The following CCDC141 variants were observed in gnomAD, a reference collection of about 807,000 sequenced individuals.
CCDC141 encodes coiled-coil domain-containing protein 141.
Under a neutral mutation model 181.0 loss-of-function variants are expected in CCDC141, and 168 were observed. The observed-to-expected ratio is 0.93, with a 90% CI of 0.82 to 1.05. CCDC141 has a LOEUF of 1.05. CCDC141 is among the 50% of genes least tolerant of loss of function. CCDC141 has a pLI of 0.00. For synonymous variants in CCDC141, 666 were observed against 642.3 expected, an observed-to-expected ratio of 1.04 and a Z score of -0.56; for missense variants, 1,902 against 1,788.5, an observed-to-expected ratio of 1.06 and a Z score of -1.14.
chr2:178,916,690 C>T (rs1688463293), intron 7 of CCDC141, among the ~76,000 whole-genome samples: 1 of 152,040 alleles, frequency 6.6e-6, no homozygotes, highest in Non-Finnish European at 1.5e-5. Flanking sequence ...TTCCTTGATG[C>T]TTTGAAAAGG....
At position 178,869,284 on chromosome 2, in the gene CCDC141, A is replaced by G; in HGVS notation, c.2227T>C (p.Tyr743His). ...AACTCCTCTGATTCTTTCATAATGT[A>G]CTGAACCTCATCATTCAATTGCTAA... ...QFQQLNDEVQ[Y>H]IMKESEELTG... Residue 743 changes from tyrosine to histidine, a missense_variant, in exon 15 of 24, where the codon TAC becomes CAC. Physicochemically the swap from Tyr to His is moderately conservative, Grantham distance 83. Coordinates refer to ENST00000443758, the MANE Select transcript of CCDC141 (RefSeq NM_173648.4). 1 of 1,595,588 alleles carries G rather than the reference A, an allele frequency of 6.3e-7. No individual in the cohort carries two copies. Among genetic ancestry groups the G allele is most frequent in the Non-Finnish European group, 8.5e-7 (1 of 1,175,284 alleles).
intron 2 of CCDC141, among the ~76,000 whole-genome samples, chr2:179,023,448 CAT>C (rs1378079022): frequency 6.6e-6 from 1 of 152,166 alleles, no homozygotes; most frequent in Non-Finnish European, 1.5e-5. Flanking sequence ...AAATTTAACT[CAT>C]ATGATTTTTT....
chr2:178,863,968 A>G (rs532814961), intron 17 of CCDC141, among the ~76,000 whole-genome samples: 9 of 152,200 alleles, frequency 5.9e-5, no homozygotes, highest in Non-Finnish European at 1.2e-4. Flanking sequence ...GCTGGCTCCA[A>G]ACACAGTCTC....
chr2:178,835,398 C>T (rs1378673732), intron 23 of CCDC141, among the ~76,000 whole-genome samples: 2 of 152,160 alleles, frequency 1.3e-5, no homozygotes, highest in African/African-American at 4.8e-5. Flanking sequence ...AACATGAGTG[C>T]TTAACTGCAT....
At chr2:178,943,126 T>C (rs1689588606) in intron 6 of CCDC141, among the ~76,000 whole-genome samples, 2 of 152,178 alleles carry the variant, frequency 1.3e-5, no homozygotes. Flanking sequence ...AGTAGCATCC[T>C]ATGCAATTCT....
At chr2:178,871,064 G>A (rs747551960) in intron 14 of CCDC141, among the ~76,000 whole-genome samples, 17 of 152,052 alleles carry the variant, frequency 1.1e-4, no homozygotes, top group Non-Finnish European at 2.5e-4. Flanking sequence ...CTGGGTCCGA[G>A]GTTGCCCATC....
chr2:178,933,970 T>A (rs1689191012), intron 6 of CCDC141, among the ~76,000 whole-genome samples: 1 of 152,228 alleles, frequency 6.6e-6, no homozygotes, highest in African/African-American at 2.4e-5. Flanking sequence ...CTAGTTTTTT[T>A]AAAGAAACAG....
intron 4 of CCDC141, among the ~76,000 whole-genome samples, chr2:178,969,776 G>T (rs1690801675): frequency 6.6e-6 from 1 of 152,132 alleles, no homozygotes; most frequent in Non-Finnish European, 1.5e-5. Flanking sequence ...TCTGGCCAGG[G>T]CAGTCAGGCA....
chr2:178,888,564 T>C lies in CCDC141; in HGVS notation c.1370A>G (p.Gln457Arg). The part of the protein sequence containing the change: ...SAHKEYALKK[Q>R]QLTASVEGYL... ...ACCCTCCACTGAGGCTGTTAGTTGT[T>C]GTTTCTTAAGAGCATATTCCTTGTG... Residue 457 changes from glutamine (Q) to arginine (R), a missense_variant, in exon 9 of 24, where the codon CAA (glutamine) becomes CGA (arginine). Coordinates refer to ENST00000443758, the MANE Select transcript of CCDC141 (RefSeq NM_173648.4). The C allele has an allele frequency of 6.4e-7, 1 of 1,550,480 alleles. No homozygotes were observed. The highest frequency in any genetic ancestry group is 1.7e-4 in the Middle Eastern group (1 of 5,986).
chr2:178,877,958 T>G lies in CCDC141; in HGVS notation c.1899+6A>C, dbSNP rs1686419422. The stretch of plus-strand genomic sequence containing the variant: ...GAAGGTGTGATCCATTTAATGCCAT[T>G]CTTACCATATTTATTAAATTAAGGA... On this transcript the variant is annotated splice_donor_region_variant and intron_variant, in intron 12 of 23. Transcript: ENST00000443758. 6.2e-7 allele frequency: 1 copy of G among 1,610,436 alleles called. No homozygotes were observed. The highest frequency in any genetic ancestry group is 8.5e-7 in the Non-Finnish European group (1 of 1,176,856).
At chr2:178,963,610 C>T (rs903315688) in intron 4 of CCDC141, among the ~76,000 whole-genome samples, 10 of 151,568 alleles carry the variant, frequency 6.6e-5, no homozygotes, top group East Asian at 3.8e-4. Flanking sequence ...TTTATTACAC[C>T]GCAATGATGT....
intron 6 of CCDC141, among the ~76,000 whole-genome samples, chr2:178,939,755 T>C (rs1483813629): frequency 6.6e-6 from 1 of 151,792 alleles, no homozygotes; most frequent in Non-Finnish European, 1.5e-5. Context: ...TTTGTGTGTG[T>C]GGTGGAGGGG....
intron 2 of CCDC141, among the ~76,000 whole-genome samples, chr2:179,016,692 A>C (rs2042553667): frequency 6.6e-6 from 1 of 152,086 alleles, no homozygotes; most frequent in South Asian, 2.1e-4. Flanking sequence ...ATGCATAAGC[A>C]AGAATAAACT....
At chr2:178,908,539 T>A (rs1368797367) in intron 7 of CCDC141, among the ~76,000 whole-genome samples, 1 of 152,200 alleles carries the variant, frequency 6.6e-6, no homozygotes, top group East Asian at 1.9e-4. Flanking sequence ...TCTGGCATAG[T>A]CAAAATCATC....
At chr2:179,015,085 T>TAC (rs1553502718) in intron 2 of CCDC141, among the ~76,000 whole-genome samples, 5 of 40,910 alleles carry the variant, frequency 1.2e-4, no homozygotes, top group African/African-American at 2.8e-4. Context: ...TATATATATA[T>TAC]ATATATATAT....
At chr2:178,978,755 A>T in intron 2 of CCDC141, 80 bp from the exon 3 acceptor site, 1 of 1,090,216 alleles carries the variant, frequency 9.2e-7, no homozygotes, top group Non-Finnish European at 1.2e-6. Flanking sequence ...ACACTTGGAT[A>T]GTAGAAATTG....
intron 8 of CCDC141, among the ~76,000 whole-genome samples, chr2:178,904,631 TTCCGGG>T (rs1687873502): frequency 6.6e-6 from 1 of 152,202 alleles, no homozygotes; most frequent in Non-Finnish European, 1.5e-5. Context: ...CTTTCATTTC[TTCCGGG>T]TCGATATGCA....
rs1234611365 is a variant in CCDC141 at position 178,905,362 on chromosome 2, C to T, written c.1232G>A (p.Gly411Glu). 1 of 1,549,966 alleles carries T rather than the reference C, an allele frequency of 6.5e-7. No individual in the cohort carries two copies. Among genetic ancestry groups the T allele is most frequent in the Admixed American group, 2.0e-5 (1 of 50,926 alleles). The stretch of plus-strand genomic sequence containing the variant: ...GTCTACTTGGCTGATTAAGGTTTGT[C>T]CCTTTTGCAAAGCATCAGTTGTGCA... The part of the protein sequence containing the change: ...KDCTTDALQK[G>E]QTLISQVDSC... The change falls in exon 8 of 24, where the codon GGA becomes GAA. Residue 411 changes from glycine to glutamate, a missense_variant. By Grantham distance (98) the Gly-to-Glu change is moderately conservative. Coordinates refer to ENST00000443758, the MANE Select transcript of CCDC141 (RefSeq NM_173648.4).
intron 2 of CCDC141, among the ~76,000 whole-genome samples, chr2:179,025,738 CAGA>C (rs1268074150): frequency 6.6e-6 from 1 of 152,100 alleles, no homozygotes; most frequent in East Asian, 1.9e-4. Flanking sequence ...TTGGAGGGCT[CAGA>C]AGAAGACAGG....
Sources: allele counts gnomAD v4.1 joint callset (sites outside exome capture counted in the v4.1 genomes callset), GRCh38; gene constraint gnomAD v4.1.1; transcripts MANE v1.5; gene names NCBI Gene and HGNC (gene_info 2026-07-23, HGNC 2026-07-21).